THSD7B: variants seen among roughly 807,000 people sequenced by gnomAD.
THSD7B encodes thrombospondin type-1 domain-containing protein 7B.
THSD7B carries 138 observed loss-of-function variants against 213.6 expected under a neutral mutation model. That is an observed-to-expected ratio of 0.65 (90% confidence interval 0.56 to 0.74). THSD7B has a LOEUF of 0.74. Among genes scored for constraint, THSD7B ranks in the 30% least tolerant of loss-of-function variants. THSD7B has a pLI of 0.00. For missense variants in THSD7B, 1,931 were observed against 1,991.5 expected (o/e 0.97, Z 0.58); for synonymous variants, 742 against 687.0 (o/e 1.08, Z -1.25).
intron 15 of THSD7B, 128 bp from the exon 16 acceptor site, chr2:137,563,093 G>A: frequency 1.0e-6 from 1 of 983,190 alleles, no homozygotes; most frequent in Non-Finnish European, 1.4e-6. Flanking sequence ...TTTTGGGAAA[G>A]TAATTTGGCT....
chr2:137,457,804 G>A (rs76672523), intron 15 of THSD7B, among the ~76,000 whole-genome samples: 2 of 152,148 alleles, frequency 1.3e-5, no homozygotes, highest in African/African-American at 4.8e-5. Context: ...AAATGTACCA[G>A]AGGACTTTAA....
intron 1 of THSD7B, among the ~76,000 whole-genome samples, chr2:136,783,045 G>A (rs865817624): frequency 1.3e-5 from 2 of 151,942 alleles, no homozygotes; most frequent in Non-Finnish European, 2.9e-5. Flanking sequence ...GCAAACTTAC[G>A]CTGAGTAGCG....
At chr2:136,770,980 G>A (rs1029828818) in intron 1 of THSD7B, among the ~76,000 whole-genome samples, 5 of 152,060 alleles carry the variant, frequency 3.3e-5, no homozygotes, top group African/African-American at 1.2e-4. Context: ...CCTGTTAAGA[G>A]GAAGAGCCAA....
chr2:137,291,154 C>T (rs895123207), intron 12 of THSD7B, among the ~76,000 whole-genome samples: 3 of 152,144 alleles, frequency 2.0e-5, no homozygotes, highest in African/African-American at 7.2e-5. Flanking sequence ...CTCATCAGCT[C>T]TTGCTTTCTC....
chr2:137,182,322 G>A (rs998214260), intron 7 of THSD7B, among the ~76,000 whole-genome samples: 8 of 152,138 alleles, frequency 5.3e-5, no homozygotes, highest in South Asian at 2.1e-4. Context: ...CAGATATTCC[G>A]AAATCCTTCC....
At chr2:137,275,842 T>A (rs72617060) in intron 11 of THSD7B, 81 bp from the exon 12 acceptor site, 112,830 of 1,078,206 alleles carry the variant, frequency 0.1, 9,028 homozygotes, top group East Asian at 0.42. Flanking sequence ...TTACTTTTTT[T>A]AAACTTCAAA....
intron 14 of THSD7B, among the ~76,000 whole-genome samples, chr2:137,419,274 T>A (rs1686868476): frequency 6.6e-6 from 1 of 151,440 alleles, no homozygotes; most frequent in African/African-American, 2.4e-5. Context: ...AGATACCCCA[T>A]CTACTCAGTC....
Position 137,161,572 on chromosome 2 carries a change from A to T in THSD7B, c.1525+1204A>T, listed in dbSNP as rs1680020521. On this transcript the variant is annotated intron_variant, in intron 6 of 27. Coordinates refer to ENST00000409968, the MANE Select transcript of THSD7B (RefSeq NM_001316349.2). ...TCCTTTCATTCTGACTCTTGTTCTA[A>T]GGTAGAAAGGAAGATGTGTATTGGC... Among the ~76,000 whole-genome samples, 4 of 152,126 alleles carry T rather than the reference A, an allele frequency of 2.6e-5. No homozygotes were observed. The South Asian group carries it at 6.2e-4, about 24-fold the overall frequency.
At chr2:136,890,327 T>C (rs56270133) in intron 2 of THSD7B, among the ~76,000 whole-genome samples, 5,644 of 12,326 alleles carry the variant, frequency 0.46, 314 homozygotes, top group East Asian at 0.72. Context: ...TTCTTCTTCT[T>C]CTTCTTCTTC....
chr2:137,262,545 G>A (rs1248909151), intron 10 of THSD7B, among the ~76,000 whole-genome samples: 1 of 152,106 alleles, frequency 6.6e-6, no homozygotes, highest in African/African-American at 2.4e-5. Flanking sequence ...TATAGGTGTT[G>A]TTATTAACCT....
intron 4 of THSD7B, among the ~76,000 whole-genome samples, chr2:137,098,754 G>A (rs986510077): frequency 1.3e-5 from 2 of 152,088 alleles, no homozygotes; most frequent in Admixed American, 6.6e-5. Flanking sequence ...CGACTGTCCA[G>A]CATTTTCACA....
In THSD7B at chr2:136,972,501, T is replaced by C. The variant is rs531863393; in HGVS notation, c.140-83919T>C. On this transcript the variant is annotated intron_variant, in intron 2 of 27. Transcript: ENST00000409968. ...GTATGTATTTGATAAAAATGTTACA[T>C]AGAAAATAAAACCACAAATATTAAG... 2.0e-5 allele frequency among the ~76,000 whole-genome samples: 3 copies of C among 152,248 alleles called. No homozygotes were observed. The East Asian group carries it at 5.8e-4, about 29-fold the overall frequency.
intron 7 of THSD7B, among the ~76,000 whole-genome samples, chr2:137,190,360 G>T (rs1461092273): frequency 1.3e-5 from 2 of 152,100 alleles, no homozygotes; most frequent in African/African-American, 4.8e-5. Context: ...TGTGCAAGTG[G>T]CTTGAAGAAC....
At chr2:136,879,918 A>C (rs554929806) in intron 1 of THSD7B, among the ~76,000 whole-genome samples, 1 of 152,348 alleles carries the variant, frequency 6.6e-6, no homozygotes, top group East Asian at 1.9e-4. Flanking sequence ...AGAGCTAACT[A>C]TTCTAAATTT....
intron 2 of THSD7B, among the ~76,000 whole-genome samples, chr2:136,999,823 T>C (rs1685968207): frequency 6.6e-6 from 1 of 152,208 alleles, no homozygotes. Context: ...ATTTATATTT[T>C]TCAAGTTTTG....
chr2:137,453,487 G>A (rs1028909149), intron 15 of THSD7B, among the ~76,000 whole-genome samples: 3 of 151,412 alleles, frequency 2.0e-5, no homozygotes, highest in African/African-American at 7.3e-5. Flanking sequence ...CTGCCACCAC[G>A]CCCGGCTAAT....
intron 20 of THSD7B, among the ~76,000 whole-genome samples, chr2:137,627,302 C>T (rs1462041299): frequency 6.6e-6 from 1 of 152,184 alleles, no homozygotes; most frequent in African/African-American, 2.4e-5. Flanking sequence ...AACCCCACTG[C>T]AAAGGAGATC....
At chr2:136,849,803 G>A (rs976989308) in intron 1 of THSD7B, among the ~76,000 whole-genome samples, 3 of 152,020 alleles carry the variant, frequency 2.0e-5, no homozygotes, top group Non-Finnish European at 4.4e-5. Context: ...CAGAATATTA[G>A]AGACATACAG....
chr2:137,183,126 C>T lies in THSD7B; in HGVS notation c.1723+12188C>T, dbSNP rs180820181. On this transcript the variant is annotated intron_variant, in intron 7 of 27. Transcript: ENST00000409968. Reference sequence around the variant, plus strand: ...ATCTCTCAGAGGCCTAGTTTCCAGACTTATGGTCGTAAGGATGCTATTTTG... The same window carrying T: ...ATCTCTCAGAGGCCTAGTTTCCAGATTTATGGTCGTAAGGATGCTATTTTG... Among the ~76,000 whole-genome samples the T allele has an allele frequency of 3.9e-5, 6 of 152,206 alleles. No homozygotes were observed. The East Asian group carries it at 1.2e-3, about 29-fold the overall frequency.
Sources: gnomAD v4.1 joint callset for allele counts (sites outside exome capture counted in the v4.1 genomes callset) on GRCh38, gnomAD v4.1.1 for gene constraint, MANE v1.5 for transcripts, NCBI Gene and HGNC (gene_info 2026-07-23, HGNC 2026-07-21) for gene names.